CTNNA2: variants seen among roughly 807,000 people sequenced by gnomAD.
CTNNA2 encodes catenin alpha 2, also known as catenin alpha-2.
CTNNA2 carries 42 observed loss-of-function variants against 101.0 expected under a neutral mutation model. The ratio of observed to expected loss-of-function variants is 0.42; its 90% CI spans 0.32 to 0.54. CTNNA2 has a LOEUF of 0.54. Ranked by LOEUF, CTNNA2 falls within the 20% of genes least tolerant of loss-of-function variation. The probability of loss-of-function intolerance (pLI) is 0.14; values close to 1 mark genes in which losing one functional copy is unlikely to be tolerated. For missense variants in CTNNA2, 871 were observed against 1,223.1 expected, an observed-to-expected ratio of 0.71 and a Z score of 4.29; for synonymous variants, 450 against 456.4, an observed-to-expected ratio of 0.99 and a Z score of 0.18.
intron 2 of CTNNA2, among the ~76,000 whole-genome samples, chr2:79,211,558 C>T (rs182462252): frequency 6.6e-6 from 1 of 152,188 alleles, no homozygotes; most frequent in African/African-American, 2.4e-5. Context: ...TCACAAGATG[C>T]TCAGTAGGGG....
At chr2:80,490,810 A>C (rs984894576) in intron 9 of CTNNA2, among the ~76,000 whole-genome samples, 2 of 152,240 alleles carry the variant, frequency 1.3e-5, no homozygotes, top group Non-Finnish European at 2.9e-5. Context: ...AGAAGTGAGC[A>C]CTACATCTTT....
chr2:79,224,572 C>T (rs1342028259), intron 2 of CTNNA2, among the ~76,000 whole-genome samples: 1 of 151,972 alleles, frequency 6.6e-6, no homozygotes, highest in African/African-American at 2.4e-5. Flanking sequence ...AACTAAATTT[C>T]AATATTCATT....
At chr2:79,846,487 T>C (rs772281465) in intron 3 of CTNNA2, among the ~76,000 whole-genome samples, 5 of 152,242 alleles carry the variant, frequency 3.3e-5, no homozygotes, top group African/African-American at 7.2e-5. Context: ...AATTTGGAGA[T>C]GCCGTAATGA....
At chr2:79,641,090 TA>T (rs950105355) in intron 1 of CTNNA2, among the ~76,000 whole-genome samples, 2 of 152,130 alleles carry the variant, frequency 1.3e-5, no homozygotes, top group Non-Finnish European at 2.9e-5. Context: ...AGACTTTTGT[TA>T]AAGAAATAAG....
At chr2:80,642,910 G>T (rs949787133) in intron 18 of CTNNA2, among the ~76,000 whole-genome samples, 17 of 152,186 alleles carry the variant, frequency 1.1e-4, no homozygotes, top group Middle Eastern at 3.4e-3. Flanking sequence ...ATAGGGAACA[G>T]AAATCTTTTA....
chr2:79,257,577 T>C (rs1034385303), intron 2 of CTNNA2, among the ~76,000 whole-genome samples: 2 of 147,618 alleles, frequency 1.4e-5, no homozygotes, highest in African/African-American at 5.0e-5. Context: ...AAAGAAGTCA[T>C]AGGAAAAAGA....
At chr2:79,763,629 T>A (rs1165703256) in intron 3 of CTNNA2, among the ~76,000 whole-genome samples, 1 of 152,230 alleles carries the variant, frequency 6.6e-6, no homozygotes, top group African/African-American at 2.4e-5. Flanking sequence ...TTTCCATCTC[T>A]ATGGTAGTCA....
chr2:80,044,933 T>A (rs1361303211), intron 7 of CTNNA2, among the ~76,000 whole-genome samples: 1 of 152,128 alleles, frequency 6.6e-6, no homozygotes. Context: ...ATATGGGGTA[T>A]GGATGCTAAC....
chr2:79,782,478 C>T (rs1380344541), intron 3 of CTNNA2, among the ~76,000 whole-genome samples: 1 of 152,158 alleles, frequency 6.6e-6, no homozygotes, highest in Non-Finnish European at 1.5e-5. Context: ...CTCAGGTGAT[C>T]TGCCTGCCTC....
rs534781545 is a variant in CTNNA2, at chr2:79,269,562, A to T, written c.-405-43147A>T. On this transcript the variant is annotated intron_variant, in intron 2 of 21. Transcript: ENST00000466387. ...TAAAAAACAAGTTCCTCAGGTTATT[A>T]TTCAAGCAGTCATCAAAAATCATTG... Among the ~76,000 whole-genome samples, 5 of 152,268 alleles carry T rather than the reference A, an allele frequency of 3.3e-5. No homozygotes were observed. The East Asian group carries it at 9.7e-4, about 30-fold the overall frequency.
chr2:79,635,146 A>T (rs1423124208), intron 1 of CTNNA2, among the ~76,000 whole-genome samples: 1 of 152,150 alleles, frequency 6.6e-6, no homozygotes, highest in Non-Finnish European at 1.5e-5. Flanking sequence ...GAGAAAGAAG[A>T]GATGGTTGTC....
chr2:80,272,075 T>G (rs1673534711), intron 7 of CTNNA2, among the ~76,000 whole-genome samples: 1 of 152,256 alleles, frequency 6.6e-6, no homozygotes, highest in Non-Finnish European at 1.5e-5. Flanking sequence ...CAGCAAGTAG[T>G]ATGTGGCTGT....
intron 7 of CTNNA2, among the ~76,000 whole-genome samples, chr2:80,143,511 G>T (rs748230610): frequency 6.6e-6 from 1 of 151,928 alleles, no homozygotes; most frequent in African/African-American, 2.4e-5. Flanking sequence ...ACCATGCTGT[G>T]CAGTAGACCA....
intron 2 of CTNNA2, among the ~76,000 whole-genome samples, chr2:79,255,776 A>G (rs897994000): frequency 1.3e-5 from 2 of 152,238 alleles, no homozygotes; most frequent in African/African-American, 4.8e-5. Context: ...TTAAAATCAG[A>G]CATACATAAA....
intron 9 of CTNNA2, among the ~76,000 whole-genome samples, chr2:80,443,062 A>G (rs931509589): frequency 3.3e-5 from 5 of 152,164 alleles, no homozygotes; most frequent in Non-Finnish European, 4.4e-5. Flanking sequence ...GGAAAGATGA[A>G]TTTGTAGGCC....
At chr2:79,796,013 A>C (rs1675669524) in intron 3 of CTNNA2, among the ~76,000 whole-genome samples, 1 of 152,220 alleles carries the variant, frequency 6.6e-6, no homozygotes, top group Admixed American at 6.5e-5. Flanking sequence ...TAGTCATAAG[A>C]ATGGATATTT....
intron 3 of CTNNA2, among the ~76,000 whole-genome samples, chr2:79,854,355 G>C (rs181165208): frequency 8.5e-5 from 13 of 152,180 alleles, no homozygotes; most frequent in Non-Finnish European, 1.6e-4. Context: ...GCCCCATGTT[G>C]GGTGCTTTGA....
intron 7 of CTNNA2, among the ~76,000 whole-genome samples, chr2:80,281,207 T>C (rs1177724534): frequency 6.6e-6 from 1 of 152,082 alleles, no homozygotes; most frequent in Non-Finnish European, 1.5e-5. Flanking sequence ...TCAGGATCTG[T>C]GTTGTTAGGG....
intron 3 of CTNNA2, among the ~76,000 whole-genome samples, chr2:79,824,660 A>G (rs1238548673): frequency 1.3e-5 from 2 of 152,226 alleles, no homozygotes; most frequent in East Asian, 3.9e-4. Context: ...TATTTTTTAA[A>G]TGTAGAATAT....
Sources: allele counts gnomAD v4.1 joint callset (sites outside exome capture counted in the v4.1 genomes callset), GRCh38; gene constraint gnomAD v4.1.1; transcripts MANE v1.5; gene names NCBI Gene and HGNC (gene_info 2026-07-23, HGNC 2026-07-21).